The following MAF variants were observed in gnomAD, a reference collection of about 807,000 sequenced individuals.
MAF encodes MAF bZIP transcription factor.
A neutral mutation model predicts 22.0 loss-of-function variants in MAF; 10 were observed. That is an observed-to-expected ratio of 0.45 (90% CI 0.28 to 0.77). MAF has a LOEUF of 0.77. Ranked by LOEUF, MAF falls within the 30% of genes least tolerant of loss-of-function variation. The pLI is 0.12. For missense variants in MAF, 544 were observed against 548.4 expected (o/e 0.99, Z 0.08); for synonymous variants, 337 against 255.8 (o/e 1.32, Z -3.03).
At chr16:79,427,790 G>A in the MAF span, among the ~76,000 whole-genome samples, 1 of 152,032 alleles carries the variant, frequency 6.6e-6, no homozygotes, top group Non-Finnish European at 1.5e-5. Context: ...CTGCTCGTTG[G>A]TATAGCTGGC....
the MAF span, among the ~76,000 whole-genome samples, chr16:79,363,399 G>A: frequency 6.6e-6 from 1 of 152,168 alleles, no homozygotes; most frequent in African/African-American, 2.4e-5. Flanking sequence ...TCTTAAACAT[G>A]CTCAGAACAC....
At chr16:79,370,691 A>AT in the MAF span, among the ~76,000 whole-genome samples, 3 of 152,014 alleles carry the variant, frequency 2.0e-5, no homozygotes, top group African/African-American at 4.8e-5. Flanking sequence ...TGTTGGTTTT[A>AT]TTTTTTCCAA....
At chr16:79,322,710 G>A in the MAF span, among the ~76,000 whole-genome samples, 1 of 151,992 alleles carries the variant, frequency 6.6e-6, no homozygotes, top group Non-Finnish European at 1.5e-5. Flanking sequence ...TCATCTAGCC[G>A]GGGTCAAGGT....
At chr16:79,416,351 A>G in the MAF span, among the ~76,000 whole-genome samples, 1 of 152,212 alleles carries the variant, frequency 6.6e-6, no homozygotes, top group Non-Finnish European at 1.5e-5. Context: ...CCATGTCAAC[A>G]TGTTGGGAAC....
chr16:79,594,539 C>A lies in MAF; in HGVS notation c.1133G>T (p.Arg378Leu), dbSNP rs1597841623. ...SPEFFITEPT[R>L]KLEPSVGYAT... ...GTATCCCACTGATGGCTCCAACTTG[C>A]GAGTGGGCTCAGTTCTGTAATTGGA... is the stretch of plus-strand genomic sequence containing the variant. The change falls in exon 2 of 2, where the codon CGC (arginine) becomes CTC (leucine). Residue 378 changes from arginine (R) to leucine (L), a missense_variant. Around this residue, in one of 5 missense-constraint regions of MAF, gnomAD observed 129 missense variants for 113.6 expected, o/e 1.14. Coordinates refer to ENST00000326043, the MANE Select transcript of MAF (RefSeq NM_005360.5). 3 of 1,562,334 alleles carry A rather than the reference C, an allele frequency of 1.9e-6. No homozygotes were observed. The highest frequency in any genetic ancestry group is 2.4e-5 in the South Asian group (2 of 84,946).
chr16:79,519,474 C>T, the MAF span, among the ~76,000 whole-genome samples: 2 of 152,168 alleles, frequency 1.3e-5, no homozygotes, highest in South Asian at 4.1e-4. Flanking sequence ...GAGCTGCTGC[C>T]AGGAGCCCTT....
chr16:79,308,282 C>T, the MAF span, among the ~76,000 whole-genome samples: 1 of 152,106 alleles, frequency 6.6e-6, no homozygotes, highest in Admixed American at 6.5e-5. Context: ...TCACTAAGGC[C>T]CTGGTTAAGT....
the MAF span, among the ~76,000 whole-genome samples, chr16:79,251,083 C>A: frequency 6.6e-6 from 1 of 152,096 alleles, no homozygotes; most frequent in Non-Finnish European, 1.5e-5. Context: ...AGATTCCCCC[C>A]GTTTCACAGG....
chr16:79,563,790 T>G, the MAF span, among the ~76,000 whole-genome samples: 41 of 151,886 alleles, frequency 2.7e-4, 1 homozygote, highest in East Asian at 7.6e-3. Context: ...ACCACTGAGA[T>G]GTTCTCAGGG....
chr16:79,381,756 A>T, the MAF span, among the ~76,000 whole-genome samples: 1 of 152,266 alleles, frequency 6.6e-6, no homozygotes, highest in South Asian at 2.1e-4. Flanking sequence ...GAAGCCTGCA[A>T]TCATTTTGCT....
chr16:79,438,003 G>A, the MAF span, among the ~76,000 whole-genome samples: 2,676 of 152,282 alleles, frequency 0.018, 122 homozygotes, highest in East Asian at 0.17. Context: ...GGGAAGCCGG[G>A]GCTACTACTG....
the MAF span, among the ~76,000 whole-genome samples, chr16:79,326,810 G>A: frequency 6.6e-6 from 1 of 152,220 alleles, no homozygotes; most frequent in African/African-American, 2.4e-5. Context: ...AGGGTGCTGA[G>A]AAAATTGGCA....
At chr16:79,370,624 C>T in the MAF span, among the ~76,000 whole-genome samples, 6 of 152,206 alleles carry the variant, frequency 3.9e-5, no homozygotes, top group African/African-American at 1.4e-4. Context: ...ACAGAGGGAT[C>T]ATCCTCCATC....
the MAF span, among the ~76,000 whole-genome samples, chr16:79,525,077 C>T: frequency 6.6e-6 from 1 of 152,170 alleles, no homozygotes; most frequent in Non-Finnish European, 1.5e-5. Flanking sequence ...TTAGTGGCCA[C>T]AGCACGATTC....
the MAF span, among the ~76,000 whole-genome samples, chr16:79,290,024 T>G: frequency 6.6e-6 from 1 of 151,890 alleles, no homozygotes; most frequent in East Asian, 1.9e-4. Context: ...GCCCAACTAA[T>G]TTTTGTATTT....
At chr16:79,491,939 T>A in the MAF span, among the ~76,000 whole-genome samples, 1 of 152,074 alleles carries the variant, frequency 6.6e-6, no homozygotes, top group African/African-American at 2.4e-5. Context: ...ACAGGTCTCC[T>A]CTCCCACTTC....
At chr16:79,398,778 C>T in the MAF span, among the ~76,000 whole-genome samples, 2 of 152,140 alleles carry the variant, frequency 1.3e-5, no homozygotes, top group South Asian at 2.1e-4. Flanking sequence ...CTGGCATTCT[C>T]TTACTCATTT....
chr16:79,515,783 G>A, the MAF span, among the ~76,000 whole-genome samples: 845 of 152,130 alleles, frequency 5.6e-3, 5 homozygotes, highest in African/African-American at 0.018. Context: ...TTGCCTCCAG[G>A]AAGGAGGTCT....
chr16:79,565,511 G>GC, the MAF span, among the ~76,000 whole-genome samples: 1 of 152,088 alleles, frequency 6.6e-6, no homozygotes, highest in Non-Finnish European at 1.5e-5. Context: ...TGTTGTGGGG[G>GC]GGGGGACCAG....
Sources: gnomAD v4.1 joint callset for allele counts (sites outside exome capture counted in the v4.1 genomes callset) on GRCh38, gnomAD v4.1.1 for gene constraint, gnomAD v4.1.1 regional missense constraint, MANE v1.5 for transcripts, NCBI Gene and HGNC (gene_info 2026-07-23, HGNC 2026-07-21) for gene names.